The following MYO1E variants were observed in gnomAD, a reference collection of about 807,000 sequenced individuals.
MYO1E encodes the protein myosin IE.
Under a neutral mutation model 151.1 loss-of-function variants are expected in MYO1E, and 68 were observed. The observed-to-expected ratio is 0.45, with a 90% confidence interval of 0.37 to 0.55. The LOEUF is 0.55. Ranked by LOEUF, MYO1E falls within the 20% of genes least tolerant of loss-of-function variation. The pLI is 0.00. For missense variants in MYO1E, 1,363 were observed against 1,389.3 expected, an observed-to-expected ratio of 0.98 and a Z score of 0.30; for synonymous variants, 601 against 501.7, an observed-to-expected ratio of 1.20 and a Z score of -2.64.
intron 1 of MYO1E, among the ~76,000 whole-genome samples, chr15:59,369,619 T>A (rs1567027220): frequency 1.3e-5 from 2 of 152,194 alleles, no homozygotes; most frequent in African/African-American, 2.4e-5. Context: ...GTGCAGGGTT[T>A]TTTTTAACTT....
At chr15:59,196,451 C>T (rs79286450) in intron 16 of MYO1E, among the ~76,000 whole-genome samples, 2,945 of 152,198 alleles carry the variant, frequency 0.019, 105 homozygotes, top group African/African-American at 0.066. Flanking sequence ...GGCACACATG[C>T]GAACTCCACT....
chr15:59,250,845 C>G (rs2080160347), intron 4 of MYO1E, among the ~76,000 whole-genome samples: 1 of 152,198 alleles, frequency 6.6e-6, no homozygotes, highest in Admixed American at 6.5e-5. Flanking sequence ...CTTGAAATCT[C>G]TGCCACCTGA....
intron 6 of MYO1E, among the ~76,000 whole-genome samples, chr15:59,229,965 T>C (rs2080016536): frequency 6.6e-6 from 1 of 152,222 alleles, no homozygotes; most frequent in Admixed American, 6.5e-5. Context: ...AATAAGTAGT[T>C]ATTTAAGCAG....
chr15:59,203,548 G>GT (rs1425183146), intron 15 of MYO1E, among the ~76,000 whole-genome samples: 1 of 152,062 alleles, frequency 6.6e-6, no homozygotes, highest in Non-Finnish European at 1.5e-5. Flanking sequence ...GCTAATTTTT[G>GT]TATCGTTAGT....
At chr15:59,141,934 C>T (rs1222191180) in intron 26 of MYO1E, among the ~76,000 whole-genome samples, 5 of 151,824 alleles carry the variant, frequency 3.3e-5, no homozygotes, top group African/African-American at 1.2e-4. Context: ...GGTGAAACCC[C>T]GTCTCTACTA....
chr15:59,347,986 GCGGCT>G (rs2080803776), intron 1 of MYO1E, among the ~76,000 whole-genome samples: 1 of 152,216 alleles, frequency 6.6e-6, no homozygotes, highest in Non-Finnish European at 1.5e-5. Context: ...CTGTAAAGCA[GCGGCT>G]CTCCTATCAG....
At chr15:59,236,820 G>T in intron 4 of MYO1E, 148 bp from the exon 5 acceptor site, 1 of 714,868 alleles carries the variant, frequency 1.4e-6, no homozygotes, top group Non-Finnish European at 2.4e-6. Flanking sequence ...TACAATACCA[G>T]TAGAGAAAGG....
intron 1 of MYO1E, among the ~76,000 whole-genome samples, chr15:59,290,094 G>A (rs1029115697): frequency 6.6e-6 from 1 of 152,194 alleles, no homozygotes; most frequent in Non-Finnish European, 1.5e-5. Flanking sequence ...TAGAAACAGG[G>A]AGGTACTGTG....
intron 24 of MYO1E, among the ~76,000 whole-genome samples, chr15:59,160,347 G>C (rs1205099808): frequency 7.1e-6 from 1 of 140,386 alleles, no homozygotes; most frequent in Non-Finnish European, 1.5e-5. Flanking sequence ...GTGTGTGTGT[G>C]TGTGTGTGTG....
chr15:59,310,074 T>C (rs764936221), intron 1 of MYO1E, among the ~76,000 whole-genome samples: 3 of 152,186 alleles, frequency 2.0e-5, no homozygotes, highest in Admixed American at 6.5e-5. Flanking sequence ...TGGTCAGTTC[T>C]CCACAGCCTG....
intron 10 of MYO1E, among the ~76,000 whole-genome samples, chr15:59,216,664 G>GTGTA (rs2079918021): frequency 6.8e-5 from 1 of 14,702 alleles, no homozygotes; most frequent in African/African-American, 1.9e-4. Context: ...GTGTGTGTAT[G>GTGTA]TGTATATATA....
At chr15:59,225,740 A>G (rs569299625) in intron 7 of MYO1E, among the ~76,000 whole-genome samples, 13 of 147,108 alleles carry the variant, frequency 8.8e-5, no homozygotes, top group East Asian at 6.0e-4. Context: ...TCCGCCTCCC[A>G]GGTTCACGCC....
At chr15:59,173,048 T>C (rs1286803230) in intron 21 of MYO1E, among the ~76,000 whole-genome samples, 4 of 152,230 alleles carry the variant, frequency 2.6e-5, no homozygotes, top group Admixed American at 2.6e-4. Context: ...CAGATTTTTC[T>C]ATTAGGACCA....
chr15:59,227,890 A>C (rs1279974735), intron 6 of MYO1E, among the ~76,000 whole-genome samples: 1 of 152,150 alleles, frequency 6.6e-6, no homozygotes, highest in African/African-American at 2.4e-5. Flanking sequence ...AGAAGGTGTA[A>C]ATCATGAGGC....
intron 1 of MYO1E, among the ~76,000 whole-genome samples, chr15:59,361,965 T>C (rs2080888006): frequency 6.6e-6 from 1 of 152,004 alleles, no homozygotes; most frequent in African/African-American, 2.4e-5. Flanking sequence ...GCCTCCCGAG[T>C]AGCTGGGATT....
rs116675877 is a variant in MYO1E, at chr15:59,218,969, G to A, written c.911-882C>T. Among the ~76,000 whole-genome samples the A allele has an allele frequency of 7.7e-3, 1,177 of 152,282 alleles. 13 individuals carry two copies. Among genetic ancestry groups the A allele is most frequent in the African/African-American group, 0.027 (1,118 of 41,558 alleles). On this transcript the variant is annotated intron_variant, in intron 9 of 27. Transcript: ENST00000288235. ...AGGTTAGGACAGATTCCAATGCTGG[G>A]GGTCCTTGAATGGTATGATATATTT...
chr15:59,245,905 T>A (rs1770594126), intron 4 of MYO1E, among the ~76,000 whole-genome samples: 1 of 152,206 alleles, frequency 6.6e-6, no homozygotes, highest in Non-Finnish European at 1.5e-5. Flanking sequence ...CTTTACCACA[T>A]CATGACCTTT....
In MYO1E at chr15:59,200,565, G is replaced by A. The variant is rs1010813085; in HGVS notation, c.1698+1761C>T. On this transcript the variant is annotated intron_variant, in intron 16 of 27. Transcript: ENST00000288235. ...GCATTTTGGGAGTCTGAGGTGGATC[G>A]CTTGAGCCCAGGAGTTCAAGACCAG... Among the ~76,000 whole-genome samples the A allele has an allele frequency of 5.3e-5, 8 of 152,122 alleles. No homozygotes were observed. In the South Asian group the frequency reaches 1.5e-3, roughly 28 times the overall value.
chr15:59,162,570 T>A (rs1024345033), intron 23 of MYO1E, among the ~76,000 whole-genome samples: 10 of 148,304 alleles, frequency 6.7e-5, no homozygotes, highest in Non-Finnish European at 1.5e-4. Context: ...TGCTTGAACC[T>A]GGGAGGCAGA....
Sources: allele counts gnomAD v4.1 joint callset (sites outside exome capture counted in the v4.1 genomes callset), GRCh38; gene constraint gnomAD v4.1.1; transcripts MANE v1.5; gene names NCBI Gene and HGNC (gene_info 2026-07-23, HGNC 2026-07-21).